Variants in BRINP2 observed in about 807,000 individuals in gnomAD.
BRINP2 encodes the protein BMP/retinoic acid-inducible neural-specific protein 2.
BRINP2 carries 21 observed loss-of-function variants against 69.2 expected under a neutral mutation model. The ratio of observed to expected loss-of-function variants is 0.30; its 90% CI spans 0.22 to 0.44. The LOEUF is 0.44. BRINP2 is among the 20% of genes least tolerant of loss of function. The pLI, the probability that BRINP2 is intolerant of heterozygous loss-of-function variation, is 1.00. For synonymous variants in BRINP2, 380 were observed against 394.1 expected (o/e 0.96, Z 0.42); for missense variants, 877 against 986.0 (o/e 0.89, Z 1.48).
At chr1:177,177,292 A>G (rs1648116389) in intron 1 of BRINP2, among the ~76,000 whole-genome samples, 1 of 150,852 alleles carries the variant, frequency 6.6e-6, no homozygotes, top group African/African-American at 2.4e-5. Flanking sequence ...AAACAAACAA[A>G]CAAACAACAA....
chr1:177,173,505 G>A (rs371892342), intron 1 of BRINP2, among the ~76,000 whole-genome samples: 4 of 152,204 alleles, frequency 2.6e-5, no homozygotes, highest in East Asian at 1.9e-4. Context: ...AGAATGGAGT[G>A]ATGTGTGCTG....
chr1:177,207,077 A>G (rs487768), intron 1 of BRINP2, among the ~76,000 whole-genome samples: 65,345 of 151,944 alleles, frequency 0.43, 15,322 homozygotes, highest in African/African-American at 0.63. Flanking sequence ...CTAGCACATC[A>G]GGCCTTTCAA....
At chr1:177,201,801 T>C (rs1648920915) in intron 1 of BRINP2, among the ~76,000 whole-genome samples, 1 of 152,190 alleles carries the variant, frequency 6.6e-6, no homozygotes, top group Admixed American at 6.5e-5. Context: ...GTACCTCTGG[T>C]AGAATTCGGC....
At chr1:177,210,522 T>A (rs904179879) in intron 1 of BRINP2, among the ~76,000 whole-genome samples, 6 of 152,172 alleles carry the variant, frequency 3.9e-5, no homozygotes, top group Non-Finnish European at 8.8e-5. Context: ...TATATAGGAA[T>A]GGATGAAATA....
chr1:177,199,164 A>G (rs770553734), intron 1 of BRINP2, among the ~76,000 whole-genome samples: 5 of 152,230 alleles, frequency 3.3e-5, no homozygotes, highest in Admixed American at 2.0e-4. Context: ...ATTGCCCCCA[A>G]ATGGTTGCAG....
At chr1:177,263,065 G>A (rs2102351890) in intron 4 of BRINP2, among the ~76,000 whole-genome samples, 1 of 152,262 alleles carries the variant, frequency 6.6e-6, no homozygotes. Context: ...ATACACAAAG[G>A]AGTGATTACA....
intron 5 of BRINP2, among the ~76,000 whole-genome samples, chr1:177,275,778 G>C (rs1302031606): frequency 1.3e-5 from 2 of 152,124 alleles, no homozygotes; most frequent in African/African-American, 4.8e-5. Context: ...CTATAAACAG[G>C]ATGGCTACAG....
Position 177,239,492 on chromosome 1 carries a change from TA to T in BRINP2, c.269+9349del, listed in dbSNP as rs529530574. The stretch of plus-strand genomic sequence containing the variant: ...GCCATGGCTTATAAAAATTCAGTGT[TA>T]AGTAAATCCCTACCACCTGACTTTA... On this transcript the variant is annotated intron_variant, in intron 2 of 7. Transcript: ENST00000361539. Among the ~76,000 whole-genome samples, 242 of 152,344 alleles carry T rather than the reference TA, an allele frequency of 1.6e-3. 2 individuals are homozygous for T. Among genetic ancestry groups the T allele is most frequent in the African/African-American group, 5.5e-3 (227 of 41,572 alleles).
intron 1 of BRINP2, among the ~76,000 whole-genome samples, chr1:177,203,207 CTCAGCAAACTA>C (rs1420241324): frequency 6.7e-6 from 1 of 150,238 alleles, no homozygotes; most frequent in Non-Finnish European, 1.5e-5. Flanking sequence ...AACCATCATT[CTCAGCAAACTA>C]TCGCAAGGAC....
At chr1:177,187,292 G>A (rs1469359984) in intron 1 of BRINP2, among the ~76,000 whole-genome samples, 1 of 152,100 alleles carries the variant, frequency 6.6e-6, no homozygotes, top group Non-Finnish European at 1.5e-5. Flanking sequence ...AGGCTGGCTG[G>A]CCTATCATCA....
intron 2 of BRINP2, among the ~76,000 whole-genome samples, chr1:177,239,313 C>A (rs1650125803): frequency 1.3e-5 from 2 of 152,238 alleles, no homozygotes; most frequent in Non-Finnish European, 2.9e-5. Context: ...CTTCCTGAAA[C>A]AATGCACCCA....
intron 1 of BRINP2, among the ~76,000 whole-genome samples, chr1:177,225,741 A>G (rs553845461): frequency 1.4e-4 from 21 of 152,374 alleles, no homozygotes; most frequent in Non-Finnish European, 2.8e-4. Context: ...GTCCATTTTT[A>G]AAAGGTAAAG....
In BRINP2 at chr1:177,225,114, G is replaced by A. The variant is rs949812773; in HGVS notation, c.-76-4687G>A. Among the ~76,000 whole-genome samples, 13 of 152,318 alleles carry A rather than the reference G, an allele frequency of 8.5e-5. 1 individual carries two copies. Among genetic ancestry groups the A allele is most frequent in the Admixed American group, 7.8e-4 (12 of 15,302 alleles). ...AAATTCCCAAGAAGTCCTCAGCTGG[G>A]TAATAATCTGAGAGTGGTAGAGACA... On this transcript the variant is annotated intron_variant, in intron 1 of 7. Coordinates refer to ENST00000361539, the MANE Select transcript of BRINP2 (RefSeq NM_021165.4).
intron 1 of BRINP2, among the ~76,000 whole-genome samples, chr1:177,200,686 C>T (rs1368731092): frequency 2.0e-5 from 3 of 152,088 alleles, no homozygotes; most frequent in South Asian, 4.2e-4. Flanking sequence ...CAGCACACCC[C>T]GTCTCTCCTT....
At chr1:177,252,049 A>G (rs1284819791) in intron 2 of BRINP2, among the ~76,000 whole-genome samples, 1 of 152,188 alleles carries the variant, frequency 6.6e-6, no homozygotes, top group African/African-American at 2.4e-5. Context: ...CAATGTAATT[A>G]TCAACTAACC....
At chr1:177,174,336 T>C (rs1648024372) in intron 1 of BRINP2, among the ~76,000 whole-genome samples, 1 of 152,246 alleles carries the variant, frequency 6.6e-6, no homozygotes, top group Non-Finnish European at 1.5e-5. Flanking sequence ...GATGTTACAA[T>C]GACACAAGGT....
Position 177,171,017 on chromosome 1 carries a change from G to A in BRINP2, c.-792G>A, listed in dbSNP as rs1647910048. On this transcript the variant is annotated 5_prime_UTR_variant, in exon 1 of 8. Coordinates refer to ENST00000361539, the MANE Select transcript of BRINP2 (RefSeq NM_021165.4). ...CGGAGTCGGAGCGGGGACGCGCCGG[G>A]CTGCAGCTCTGGGATGCAATCCGCC... is the stretch of plus-strand genomic sequence containing the variant. Among the ~76,000 whole-genome samples, 1 of 152,254 alleles carries A rather than the reference G, an allele frequency of 6.6e-6. No homozygotes were observed. The highest frequency in any genetic ancestry group is 2.1e-4 in the South Asian group (1 of 4,838).
At chr1:177,273,043 T>A (rs576672370) in intron 4 of BRINP2, among the ~76,000 whole-genome samples, 2 of 152,328 alleles carry the variant, frequency 1.3e-5, no homozygotes, top group African/African-American at 4.8e-5. Context: ...TCATAACTCA[T>A]ATTTCTCTAG....
chr1:177,244,900 G>T (rs1418523273), intron 2 of BRINP2, among the ~76,000 whole-genome samples: 1 of 152,022 alleles, frequency 6.6e-6, no homozygotes, highest in African/African-American at 2.4e-5. Context: ...AGTCCCTTCT[G>T]CCCTCATTCC....
Sources: gnomAD v4.1 joint callset for allele counts (sites outside exome capture counted in the v4.1 genomes callset) on GRCh38, gnomAD v4.1.1 for gene constraint, MANE v1.5 for transcripts, NCBI Gene and HGNC (gene_info 2026-07-23, HGNC 2026-07-21) for gene names.